The following CFAP299 variants were observed in gnomAD, a reference collection of about 807,000 sequenced individuals.
CFAP299 encodes cilia and flagella associated protein 299.
CFAP299 carries 21 observed loss-of-function variants against 27.0 expected under a neutral mutation model. That is an observed-to-expected ratio of 0.78 (90% CI 0.55 to 1.12). The LOEUF is 1.12. Among genes scored for constraint, CFAP299 ranks in the 50% most tolerant of loss-of-function variants. The pLI is 0.00. For synonymous variants in CFAP299, 104 were observed against 98.1 expected (o/e 1.06, Z -0.36); for missense variants, 310 against 276.6 (o/e 1.12, Z -0.86).
At chr4:80,933,877 A>T (rs913926027) in intron 4 of CFAP299, among the ~76,000 whole-genome samples, 22 of 152,102 alleles carry the variant, frequency 1.4e-4, no homozygotes, top group Non-Finnish European at 3.1e-4. Flanking sequence ...TTGCAAACAG[A>T]GGCAATTTTA....
chr4:80,362,669 A>G (rs1723610504), intron 1 of CFAP299, 85 bp from the exon 2 acceptor site: 24 of 1,374,154 alleles, frequency 1.7e-5, no homozygotes. Context: ...TGCTTGGTAT[A>G]CATTGCAGAT....
intron 3 of CFAP299, among the ~76,000 whole-genome samples, chr4:80,800,421 AAT>A (rs1363820288): frequency 1.1e-4 from 7 of 64,840 alleles, no homozygotes; most frequent in East Asian, 5.9e-4. Flanking sequence ...ATATTAATAT[AAT>A]ATATATAATA....
At chr4:80,499,415 T>C (rs548040977) in intron 2 of CFAP299, among the ~76,000 whole-genome samples, 1 of 152,162 alleles carries the variant, frequency 6.6e-6, no homozygotes, top group Admixed American at 6.5e-5. Flanking sequence ...AAAATGACTT[T>C]ACTTTTTATA....
At chr4:80,332,656 A>C (rs956912136), upstream of CFAP299, among the ~76,000 whole-genome samples, 12 of 152,162 alleles carry the variant, frequency 7.9e-5, no homozygotes, top group Non-Finnish European at 1.3e-4. Flanking sequence ...GGATGATATA[A>C]GATTAAGGAG....
chr4:80,598,448 A>G (rs942132833), intron 3 of CFAP299, among the ~76,000 whole-genome samples: 3 of 152,234 alleles, frequency 2.0e-5, no homozygotes, highest in African/African-American at 7.2e-5. Context: ...ATGAATTGTT[A>G]TTAAGCCATG....
At chr4:80,828,998 G>A (rs779654766) in intron 3 of CFAP299, among the ~76,000 whole-genome samples, 28 of 151,818 alleles carry the variant, frequency 1.8e-4, no homozygotes, top group Non-Finnish European at 3.8e-4. Context: ...AAAACATGGG[G>A]CCAAATCTTC....
At chr4:80,799,095 G>A (rs1476613468) in intron 3 of CFAP299, among the ~76,000 whole-genome samples, 1 of 137,576 alleles carries the variant, frequency 7.3e-6, no homozygotes, top group Non-Finnish European at 1.5e-5. Context: ...GTGTGTGTGA[G>A]TTTATATATA....
chr4:80,443,244 G>A (rs1306837948), intron 2 of CFAP299, among the ~76,000 whole-genome samples: 3 of 151,590 alleles, frequency 2.0e-5, no homozygotes, highest in Admixed American at 6.6e-5. Flanking sequence ...AAAAATTTCA[G>A]GCCAGTGTCC....
intron 3 of CFAP299, among the ~76,000 whole-genome samples, chr4:80,659,967 G>A (rs1740754950): frequency 6.6e-6 from 1 of 151,986 alleles, no homozygotes; most frequent in Non-Finnish European, 1.5e-5. Flanking sequence ...TAATAACATT[G>A]GGTGAAATTT....
intron 2 of CFAP299, among the ~76,000 whole-genome samples, chr4:80,394,045 C>T (rs12642262): frequency 0.94 from 142,969 of 152,152 alleles, 67,712 homozygotes; most frequent in East Asian, 1. Flanking sequence ...AGTTCCTCCT[C>T]CACACGCTCT....
intron 4 of CFAP299, among the ~76,000 whole-genome samples, chr4:80,918,858 G>A (rs185622782): frequency 3.9e-5 from 6 of 152,194 alleles, no homozygotes; most frequent in Admixed American, 3.3e-4. Context: ...GAAGTTCCGG[G>A]TTCAGGGAAG....
At chr4:80,592,157 A>T (rs1736821832) in intron 3 of CFAP299, among the ~76,000 whole-genome samples, 1 of 152,208 alleles carries the variant, frequency 6.6e-6, no homozygotes, top group African/African-American at 2.4e-5. Flanking sequence ...TGGGTGCAAT[A>T]AAAGGTAAAA....
At chr4:80,789,691 C>A (rs1482803005) in intron 3 of CFAP299, among the ~76,000 whole-genome samples, 1 of 151,940 alleles carries the variant, frequency 6.6e-6, no homozygotes, top group Non-Finnish European at 1.5e-5. Context: ...AACAGAAGTA[C>A]AGAATAACAG....
intron 3 of CFAP299, among the ~76,000 whole-genome samples, chr4:80,799,266 T>C (rs1424215123): frequency 2.6e-4 from 28 of 108,564 alleles, no homozygotes; most frequent in African/African-American, 1.1e-3. Flanking sequence ...TATATTTATA[T>C]AATATTTATA....
chr4:80,898,813 A>T (rs1158094576), intron 4 of CFAP299, among the ~76,000 whole-genome samples: 1 of 152,078 alleles, frequency 6.6e-6, no homozygotes, highest in Non-Finnish European at 1.5e-5. Context: ...GACTTAAACA[A>T]TTTTTTAGGT....
At chr4:80,385,391 T>C (rs1724916100) in intron 2 of CFAP299, among the ~76,000 whole-genome samples, 1 of 152,284 alleles carries the variant, frequency 6.6e-6, no homozygotes, top group Admixed American at 6.5e-5. Flanking sequence ...TAGAAAAAAA[T>C]CGTGATTACA....
At chr4:80,379,978 C>T (rs1053236781) in intron 2 of CFAP299, among the ~76,000 whole-genome samples, 1 of 152,050 alleles carries the variant, frequency 6.6e-6, no homozygotes, top group African/African-American at 2.4e-5. Context: ...TCTACTTATT[C>T]TAGCTATTAC....
At chr4:80,688,181 A>C (rs1003939578) in intron 3 of CFAP299, among the ~76,000 whole-genome samples, 1 of 152,186 alleles carries the variant, frequency 6.6e-6, no homozygotes, top group Non-Finnish European at 1.5e-5. Context: ...ACAGAGTGGA[A>C]CCCACCACAG....
intron 1 of CFAP299, among the ~76,000 whole-genome samples, chr4:80,362,552 A>G (rs1723604251): frequency 6.6e-6 from 1 of 152,096 alleles, no homozygotes; most frequent in South Asian, 2.1e-4. Flanking sequence ...GAAAGGGAAG[A>G]CCAAATCAGA....
Sources: allele counts gnomAD v4.1 joint callset (sites outside exome capture counted in the v4.1 genomes callset), GRCh38; gene constraint gnomAD v4.1.1; transcripts MANE v1.5; gene names NCBI Gene and HGNC (gene_info 2026-07-23, HGNC 2026-07-21).